The following EXOSC7 variants were observed in gnomAD, a reference collection of about 807,000 sequenced individuals.
The protein encoded by EXOSC7 is exosome complex component RRP42.
A neutral mutation model predicts 34.3 loss-of-function variants in EXOSC7; 25 were observed. That is an observed-to-expected ratio of 0.73 (90% CI 0.53 to 1.02). The LOEUF (loss-of-function observed/expected upper bound fraction) is 1.02. Ranked by LOEUF, EXOSC7 falls within the 50% of genes least tolerant of loss-of-function variation. The pLI, the probability that EXOSC7 is intolerant of heterozygous loss-of-function variation, is 0.00. For missense variants in EXOSC7, 370 were observed against 368.5 expected (o/e 1.00, Z -0.03); for synonymous variants, 130 against 143.0 (o/e 0.91, Z 0.65).
chr3:45,005,890 C>T (rs1707023641), intron 6 of EXOSC7, among the ~76,000 whole-genome samples: 1 of 151,924 alleles, frequency 6.6e-6, no homozygotes, highest in Non-Finnish European at 1.5e-5. Context: ...CTAATGCTGC[C>T]CCAGGCTGTG....
At chr3:44,981,635 A>G (rs565150332) in intron 1 of EXOSC7, among the ~76,000 whole-genome samples, 1 of 152,316 alleles carries the variant, frequency 6.6e-6, no homozygotes, top group South Asian at 2.1e-4. Context: ...GAAAAGGGAT[A>G]GGCCAGGTGC....
At chr3:44,991,167 C>T (rs1347110987) in intron 3 of EXOSC7, among the ~76,000 whole-genome samples, 1 of 152,196 alleles carries the variant, frequency 6.6e-6, no homozygotes, top group African/African-American at 2.4e-5. Flanking sequence ...GAGGGCTGCT[C>T]TTGGGGAGTC....
chr3:45,002,877 G>A (rs548618114), intron 5 of EXOSC7, among the ~76,000 whole-genome samples: 4 of 152,268 alleles, frequency 2.6e-5, no homozygotes, highest in Non-Finnish European at 2.9e-5. Flanking sequence ...GGGAGCTTGC[G>A]TGCCAGATCC....
At chr3:45,005,535 CT>C in intron 6 of EXOSC7, 121 bp downstream of exon 6, 1 of 927,408 alleles carries the variant, frequency 1.1e-6, no homozygotes, top group Non-Finnish European at 1.6e-6. Context: ...ATAGAAGTAG[CT>C]TTTACCCAAA....
intron 7 of EXOSC7, among the ~76,000 whole-genome samples, chr3:45,008,220 C>T (rs1707109173): frequency 6.6e-6 from 1 of 152,232 alleles, no homozygotes; most frequent in African/African-American, 2.4e-5. Context: ...TTTCCCAGAC[C>T]TTCTTTCCCC....
chr3:44,996,852 A>G lies in EXOSC7; in HGVS notation c.255-235A>G, dbSNP rs143119394. On this transcript the variant is annotated intron_variant, in intron 3 of 7. Coordinates refer to ENST00000265564, the MANE Select transcript of EXOSC7 (RefSeq NM_015004.4). ...CTAAAGATGGCTTCTGTTAGATGCT[A>G]TTGGGAAATCCCATCACACACACTG... Among the ~76,000 whole-genome samples the G allele has an allele frequency of 6.5e-4, 99 of 152,316 alleles. 1 individual carries two copies. The East Asian group carries it at 0.016, about 25-fold the overall frequency.
At chr3:45,006,431 A>G in intron 6 of EXOSC7, among the ~76,000 whole-genome samples, 1 of 105,888 alleles carries the variant, frequency 9.4e-6, no homozygotes, top group Non-Finnish European at 1.8e-5. Context: ...TTTTTTTGAG[A>G]CAGAGTCTCG....
At chr3:45,010,015 G>A (rs1485378436) in intron 7 of EXOSC7, among the ~76,000 whole-genome samples, 1 of 152,128 alleles carries the variant, frequency 6.6e-6, no homozygotes, top group Non-Finnish European at 1.5e-5. Context: ...CATTACTCTG[G>A]GGAGGATACA....
intron 5 of EXOSC7, 184 bp from the exon 6 acceptor site, chr3:45,005,107 C>T (rs373338721): frequency 1.7e-5 from 10 of 590,314 alleles, no homozygotes; most frequent in African/African-American, 1.7e-4. Context: ...GATGCCTTTC[C>T]TCATTGCACT....
Position 45,007,572 on chromosome 3 carries a change from G to A in EXOSC7, c.768G>A (p.Met256Ile). Residue 256 changes from methionine to isoleucine, a missense_variant, in exon 7 of 8, where the codon ATG becomes ATA. By Grantham distance (10) the Met-to-Ile change is conservative. Transcript: ENST00000265564. ...ACCCAGAGAGCATCTTCGAGATGAT[G>A]GAGGTGAGGCCTTAGTTCTGAGGAA... ...SLDPESIFEMMETGKRVGKVL... is the reference protein window; with the variant it reads ...SLDPESIFEMIETGKRVGKVL... 6.2e-7 allele frequency: 1 copy of A among 1,605,312 alleles called. No homozygotes were observed. The highest frequency in any genetic ancestry group is 8.5e-7 in the Non-Finnish European group (1 of 1,175,482).
At chr3:45,003,340 TGCG>T (rs764397523) in intron 5 of EXOSC7, among the ~76,000 whole-genome samples, 1 of 146,332 alleles carries the variant, frequency 6.8e-6, no homozygotes, top group Non-Finnish European at 1.5e-5. Context: ...CGTGCGTGCG[TGCG>T]TGCGTGCGTG....
At chr3:44,987,696 C>G (rs570863630) in intron 1 of EXOSC7, among the ~76,000 whole-genome samples, 1 of 152,350 alleles carries the variant, frequency 6.6e-6, no homozygotes, top group African/African-American at 2.4e-5. Flanking sequence ...AGGCTAAAGA[C>G]AGAACTTTAC....
At chr3:44,996,359 A>G (rs1706722130) in intron 3 of EXOSC7, among the ~76,000 whole-genome samples, 1 of 152,206 alleles carries the variant, frequency 6.6e-6, no homozygotes, top group African/African-American at 2.4e-5. Flanking sequence ...CTAATGTTGA[A>G]TCCTGTTAGT....
Position 45,005,399 on chromosome 3 carries a change from T to C in EXOSC7, c.600T>C (p.Ile200=). ...TAAGTGTGGAGAATGTCCCCTGCAT[T>C]GTCACTCTGTGCAAGGTATAACTTG... ...IRLSVENVPC[I]VTLCKIGYRH... is the part of the protein sequence containing the mutation. The change falls in exon 6 of 8, where the codon ATT becomes ATC. Residue 200 remains isoleucine, a synonymous_variant. Coordinates refer to ENST00000265564, the MANE Select transcript of EXOSC7 (RefSeq NM_015004.4). 1 of 1,614,150 alleles carries C rather than the reference T, an allele frequency of 6.2e-7. No individual in the cohort carries two copies. The highest frequency in any genetic ancestry group is 8.5e-7 in the Non-Finnish European group (1 of 1,179,998).
chr3:45,010,526 A>G (rs1707176376), intron 7 of EXOSC7, among the ~76,000 whole-genome samples: 1 of 152,094 alleles, frequency 6.6e-6, no homozygotes, highest in Admixed American at 6.6e-5. Context: ...TGGGATTACA[A>G]GCATGAGCCA....
chr3:44,988,204 T>C (rs995271976), intron 1 of EXOSC7, among the ~76,000 whole-genome samples: 3 of 152,200 alleles, frequency 2.0e-5, no homozygotes, highest in African/African-American at 7.2e-5. Flanking sequence ...AGAAAGTAGA[T>C]AATTACTCAA....
intron 7 of EXOSC7, among the ~76,000 whole-genome samples, chr3:45,010,586 G>GT (rs1011862757): frequency 2.8e-4 from 42 of 151,764 alleles, no homozygotes; most frequent in African/African-American, 4.8e-4. Context: ...TTTTGTTTTT[G>GT]TTTTTTTTAC....
intron 3 of EXOSC7, among the ~76,000 whole-genome samples, chr3:44,990,767 G>A (rs1706548074): frequency 1.3e-5 from 2 of 152,182 alleles, no homozygotes; most frequent in Non-Finnish European, 2.9e-5. Context: ...GAAAGCAAAT[G>A]TTCAGCATAA....
rs1432315030 is a variant in EXOSC7, at chr3:45,011,268, T to A, written c.805T>A (p.Ser269Thr). The stretch of plus-strand genomic sequence containing the variant: ...GCGTGTGGGCAAGGTACTGCATGCC[T>A]CCTTGCAGAGTGTTGTGCACAAGGA... The part of the protein sequence containing the change: ...GKRVGKVLHA[S>T]LQSVVHKEES... Residue 269 changes from serine to threonine, a missense_variant, in exon 8 of 8, where the codon TCC becomes ACC. Ser to Thr is a moderately conservative substitution (Grantham distance 58, BLOSUM62 1). Around this residue, in one of 3 missense-constraint regions of EXOSC7, gnomAD observed 255 missense variants for 246.4 expected, o/e 1.03. Coordinates refer to ENST00000265564, the MANE Select transcript of EXOSC7 (RefSeq NM_015004.4). 6.2e-7 allele frequency: 1 copy of A among 1,613,504 alleles called. No individual in the cohort carries two copies. Among genetic ancestry groups the A allele is most frequent in the Non-Finnish European group, 8.5e-7 (1 of 1,179,732 alleles).
Sources: allele counts gnomAD v4.1 joint callset (sites outside exome capture counted in the v4.1 genomes callset), GRCh38; gene constraint gnomAD v4.1.1; regional missense constraint gnomAD v4.1.1; transcripts MANE v1.5; gene names NCBI Gene and HGNC (gene_info 2026-07-23, HGNC 2026-07-21).